Variants in CSMD1 observed in about 807,000 individuals in gnomAD.
CSMD1 encodes CUB and Sushi multiple domains 1.
Under a neutral mutation model 417.5 loss-of-function variants are expected in CSMD1, and 213 were observed. That is an observed-to-expected ratio of 0.51 (90% CI 0.46 to 0.57). The LOEUF (loss-of-function observed/expected upper bound fraction) is 0.57, where lower values mean the gene tolerates loss of function less well. CSMD1 is among the 20% of genes least tolerant of loss of function. The pLI is 0.00. For missense variants in CSMD1, 6,923 were observed against 4,529.7 expected, an observed-to-expected ratio of 1.53 and a Z score of -15.17; for synonymous variants, 2,862 against 1,736.8, an observed-to-expected ratio of 1.65 and a Z score of -16.11.
chr8:3,191,133 C>G (rs1012602258), intron 33 of CSMD1, among the ~76,000 whole-genome samples: 7 of 152,184 alleles, frequency 4.6e-5, no homozygotes, highest in Admixed American at 1.3e-4. Flanking sequence ...TTAGTCCTCT[C>G]TAAAGTCACC....
chr8:3,909,458 C>T (rs2688320), intron 5 of CSMD1, among the ~76,000 whole-genome samples: 18,398 of 152,096 alleles, frequency 0.12, 1,662 homozygotes, highest in African/African-American at 0.25. Flanking sequence ...ACACGGCGTG[C>T]TCCTGAGACA....
At chr8:4,678,246 A>C (rs1157759101) in intron 1 of CSMD1, among the ~76,000 whole-genome samples, 1 of 151,902 alleles carries the variant, frequency 6.6e-6, no homozygotes, top group Admixed American at 6.6e-5. Context: ...CCCTGTCTCT[A>C]ATGAAAATAC....
chr8:3,564,549 G>GTGTGTGTGTGTGTA (rs752767680), intron 10 of CSMD1, among the ~76,000 whole-genome samples: 6 of 149,480 alleles, frequency 4.0e-5, no homozygotes, highest in Non-Finnish European at 8.8e-5. Context: ...GTGTGTGTGT[G>GTGTGTGTGTGTGTA]TATAATACAT....
intron 3 of CSMD1, among the ~76,000 whole-genome samples, chr8:4,114,189 A>G (rs1409904078): frequency 6.6e-6 from 1 of 152,208 alleles, no homozygotes. Context: ...CTCTATTAGG[A>G]GCTCATGCAG....
chr8:3,553,582 C>G (rs1799012646), intron 10 of CSMD1, among the ~76,000 whole-genome samples: 1 of 152,186 alleles, frequency 6.6e-6, no homozygotes, highest in Non-Finnish European at 1.5e-5. Context: ...TACCTTTTAT[C>G]AGAACATAAA....
At chr8:4,468,570 C>A (rs1042366350) in intron 2 of CSMD1, among the ~76,000 whole-genome samples, 3 of 152,132 alleles carry the variant, frequency 2.0e-5, no homozygotes, top group East Asian at 1.9e-4. Context: ...ATCCTCCTTC[C>A]TTGATTCATC....
At chr8:3,647,999 A>G (rs1797662142) in intron 7 of CSMD1, among the ~76,000 whole-genome samples, 1 of 152,250 alleles carries the variant, frequency 6.6e-6, no homozygotes. Context: ...GAGGAGGCAG[A>G]ACAGATTCTT....
At chr8:3,851,798 G>C (rs78057143) in intron 5 of CSMD1, among the ~76,000 whole-genome samples, 4,572 of 152,246 alleles carry the variant, frequency 0.03, 195 homozygotes, top group African/African-American at 0.1. Flanking sequence ...GGTGTGAGTA[G>C]AACACGTGGT....
chr8:4,569,006 A>G (rs1479726763), intron 2 of CSMD1, among the ~76,000 whole-genome samples: 1 of 151,902 alleles, frequency 6.6e-6, no homozygotes, highest in Non-Finnish European at 1.5e-5. Context: ...TAAATTCTGG[A>G]TATTAGATTA....
chr8:3,677,049 T>C (rs1426893426), intron 7 of CSMD1, among the ~76,000 whole-genome samples: 2 of 151,942 alleles, frequency 1.3e-5, no homozygotes, highest in Non-Finnish European at 2.9e-5. Flanking sequence ...AAATACCTAA[T>C]GCATACGGGG....
intron 23 of CSMD1, among the ~76,000 whole-genome samples, chr8:3,323,746 C>T (rs1430642705): frequency 1.5e-5 from 2 of 136,940 alleles, no homozygotes. Flanking sequence ...AGGGAATTTC[C>T]TTCACCCCAC....
At chr8:3,736,784 C>T (rs890352564) in intron 6 of CSMD1, among the ~76,000 whole-genome samples, 1 of 152,232 alleles carries the variant, frequency 6.6e-6, no homozygotes, top group African/African-American at 2.4e-5. Flanking sequence ...AGATCCTCAT[C>T]TGCAAAGTGG....
intron 2 of CSMD1, among the ~76,000 whole-genome samples, chr8:4,438,328 C>G (rs1391144852): frequency 6.6e-6 from 1 of 152,186 alleles, no homozygotes; most frequent in East Asian, 1.9e-4. Flanking sequence ...AGCACCAAAT[C>G]TCCAGTCTCT....
At chr8:3,517,368 T>C (rs1797325373) in intron 10 of CSMD1, among the ~76,000 whole-genome samples, 1 of 152,196 alleles carries the variant, frequency 6.6e-6, no homozygotes. Flanking sequence ...AGTGGTGTTA[T>C]TAAGTGTTTT....
rs1388064099 is a variant in CSMD1, at chr8:3,182,650, G to T, written c.5621-1436C>A. Among the ~76,000 whole-genome samples, 45 of 62,828 alleles carry T rather than the reference G, an allele frequency of 7.2e-4. No individual in the cohort carries two copies. The Admixed American group carries it at 9.0e-3, about 13-fold the overall frequency. The allele number at this position is 62,828 out of a possible 152,430, so 41.2% of individuals were successfully genotyped here. On this transcript the variant is annotated intron_variant, in intron 36 of 69. Transcript: ENST00000635120. ...TGTGTGTGTATTGTTAGTAGAGAAG[G>T]GGGACTCTGGCTGTCTATAAGAAGC...
intron 1 of CSMD1, among the ~76,000 whole-genome samples, chr8:4,723,807 A>AAAAAC (rs1217026441): frequency 6.6e-6 from 1 of 151,442 alleles, no homozygotes; most frequent in Non-Finnish European, 1.5e-5. Flanking sequence ...AAAACAAAAA[A>AAAAAC]AAAACAAAAC....
chr8:4,248,454 A>C (rs1375096409), intron 3 of CSMD1, among the ~76,000 whole-genome samples: 1 of 152,186 alleles, frequency 6.6e-6, no homozygotes, highest in Admixed American at 6.5e-5. Flanking sequence ...CCTAATTAAA[A>C]GTAAAAAGGT....
chr8:3,400,346 C>G (rs771998431), intron 15 of CSMD1, among the ~76,000 whole-genome samples: 1 of 151,818 alleles, frequency 6.6e-6, no homozygotes, highest in Non-Finnish European at 1.5e-5. Flanking sequence ...AAATAAAGTA[C>G]GTGAAAATAC....
chr8:3,627,337 G>C (rs1796542827), intron 7 of CSMD1, among the ~76,000 whole-genome samples: 1 of 152,068 alleles, frequency 6.6e-6, no homozygotes, highest in Non-Finnish European at 1.5e-5. Context: ...TATAATACGT[G>C]CGTTAAGACT....
Sources: gnomAD v4.1 joint callset for allele counts (sites outside exome capture counted in the v4.1 genomes callset) on GRCh38, gnomAD v4.1.1 for gene constraint, MANE v1.5 for transcripts, NCBI Gene and HGNC (gene_info 2026-07-23, HGNC 2026-07-21) for gene names.